The following SMIM36 variants were observed in gnomAD, a reference collection of about 807,000 sequenced individuals.
SMIM36 encodes small integral membrane protein 36.
At chr17:55,450,674 C>G (rs1000391078) in intron 4 of SMIM36, among the ~76,000 whole-genome samples, 1 of 152,302 alleles carries the variant, frequency 6.6e-6, no homozygotes, top group Middle Eastern at 3.4e-3. Flanking sequence ...TTTCTGCTTA[C>G]AGCCTAGAGA....
chr17:55,475,932 G>T (rs1428141784), intron 3 of SMIM36, among the ~76,000 whole-genome samples: 1 of 151,968 alleles, frequency 6.6e-6, no homozygotes, highest in Non-Finnish European at 1.5e-5. Flanking sequence ...TCCCACTGTA[G>T]GTTCCCATGC....
At chr17:55,457,746 G>A (rs957435214) in intron 4 of SMIM36, among the ~76,000 whole-genome samples, 5 of 151,828 alleles carry the variant, frequency 3.3e-5, no homozygotes, top group African/African-American at 7.3e-5. Context: ...GGCTGGTCTC[G>A]AACTCCTGGC....
At chr17:55,451,384 T>C (rs1908913892) in intron 4 of SMIM36, among the ~76,000 whole-genome samples, 1 of 152,234 alleles carries the variant, frequency 6.6e-6, no homozygotes, top group Admixed American at 6.5e-5. Context: ...TGTCTTTGTG[T>C]CTTTGCACTT....
At chr17:55,450,718 C>T (rs1375060282) in intron 4 of SMIM36, among the ~76,000 whole-genome samples, 2 of 152,196 alleles carry the variant, frequency 1.3e-5, no homozygotes, top group African/African-American at 4.8e-5. Context: ...GAGACAGAGG[C>T]TCACAAGCAC....
chr17:55,471,774 C>A (rs1909344627), intron 3 of SMIM36, among the ~76,000 whole-genome samples: 1 of 152,176 alleles, frequency 6.6e-6, no homozygotes, highest in Non-Finnish European at 1.5e-5. Context: ...CTGCTGGAGT[C>A]CTCACACAGG....
chr17:55,492,773 C>T (rs2144710183), intron 1 of SMIM36, among the ~76,000 whole-genome samples: 1 of 151,912 alleles, frequency 6.6e-6, no homozygotes, highest in Admixed American at 6.5e-5. Flanking sequence ...AAGGATGGTC[C>T]CTGAAGATCC....
At chr17:55,498,808 A>C (rs8075446) in intron 1 of SMIM36, among the ~76,000 whole-genome samples, 1 of 151,182 alleles carries the variant, frequency 6.6e-6, no homozygotes, top group Non-Finnish European at 1.5e-5. Flanking sequence ...AGATCAGCCT[A>C]TCCAACATGA....
chr17:55,512,819 T>C (rs1398849167), upstream of SMIM36, among the ~76,000 whole-genome samples: 2 of 152,210 alleles, frequency 1.3e-5, no homozygotes, highest in Non-Finnish European at 2.9e-5. Context: ...TAATAGGACT[T>C]TTTGGATACT....
At chr17:55,492,027 C>T (rs994922080) in intron 1 of SMIM36, among the ~76,000 whole-genome samples, 2 of 151,620 alleles carry the variant, frequency 1.3e-5, no homozygotes, top group Non-Finnish European at 2.9e-5. Flanking sequence ...GGCGTGGTGG[C>T]AGGCACCTGT....
At chr17:55,474,744 G>C (rs1443517260) in intron 3 of SMIM36, among the ~76,000 whole-genome samples, 1 of 152,198 alleles carries the variant, frequency 6.6e-6, no homozygotes, top group East Asian at 1.9e-4. Flanking sequence ...TTTGTGGTGT[G>C]CGTGTGGTGT....
intron 4 of SMIM36, among the ~76,000 whole-genome samples, chr17:55,465,240 A>G (rs536277788): frequency 1.3e-5 from 2 of 152,344 alleles, no homozygotes; most frequent in East Asian, 1.9e-4. Context: ...ATCATTTTGG[A>G]GTCAGACAGG....
At chr17:55,488,340 T>C (rs1051405754) in intron 1 of SMIM36, among the ~76,000 whole-genome samples, 3 of 152,204 alleles carry the variant, frequency 2.0e-5, no homozygotes, top group African/African-American at 4.8e-5. Context: ...TCTCCCAAAG[T>C]CCCTTTGCCT....
At chr17:55,519,643 G>T in the SMIM36 span, among the ~76,000 whole-genome samples, 1 of 152,174 alleles carries the variant, frequency 6.6e-6, no homozygotes, top group South Asian at 2.1e-4. Context: ...TGTCTAGAAG[G>T]ACAAAAGTGT....
At chr17:55,478,874 T>C (rs987010564) in intron 2 of SMIM36, 61 bp from the exon 3 acceptor site, 16 of 152,230 alleles carry the variant, frequency 1.1e-4, no homozygotes, top group African/African-American at 2.9e-4. Flanking sequence ...TATTTATACC[T>C]AGATCTGTCA....
intron 1 of SMIM36, among the ~76,000 whole-genome samples, chr17:55,495,292 T>A (rs1017675574): frequency 6.6e-6 from 1 of 152,196 alleles, no homozygotes; most frequent in Non-Finnish European, 1.5e-5. Context: ...AGGTAAATCA[T>A]TCACAAACTT....
intron 4 of SMIM36, 82 bp downstream of exon 4, chr17:55,467,063 A>G (rs60927625): frequency 0.18 from 26,710 of 152,182 alleles, 3,455 homozygotes; most frequent in African/African-American, 0.36. Flanking sequence ...TTAAGTCCGA[A>G]AAAAGAAAAA....
At chr17:55,451,891 G>A (rs1908924854) in intron 4 of SMIM36, among the ~76,000 whole-genome samples, 1 of 152,088 alleles carries the variant, frequency 6.6e-6, no homozygotes, top group Non-Finnish European at 1.5e-5. Flanking sequence ...GAGGCCAGGA[G>A]TTCGAGACCA....
chr17:55,494,125 T>C (rs1394636249), intron 1 of SMIM36, among the ~76,000 whole-genome samples: 1 of 152,280 alleles, frequency 6.6e-6, no homozygotes, highest in East Asian at 1.9e-4. Context: ...CTCTCTCCTT[T>C]TTCCCATGAG....
intron 1 of SMIM36, among the ~76,000 whole-genome samples, chr17:55,500,307 T>C (rs535008499): frequency 7.7e-4 from 117 of 152,098 alleles, no homozygotes; most frequent in Non-Finnish European, 1.3e-3. Context: ...TCACTTCTTA[T>C]AGAGACGGGC....
Sources: allele counts gnomAD v4.1 joint callset (sites outside exome capture counted in the v4.1 genomes callset), GRCh38; gene constraint gnomAD v4.1.1; transcripts MANE v1.5; gene names NCBI Gene and HGNC (gene_info 2026-07-23, HGNC 2026-07-21).